Variants in PPM1L observed in about 807,000 individuals in gnomAD.
PPM1L encodes protein phosphatase 1L.
A neutral mutation model predicts 31.4 loss-of-function variants in PPM1L; 13 were observed. That is an observed-to-expected ratio of 0.41 (90% confidence interval 0.27 to 0.66). PPM1L has a LOEUF of 0.66. Among genes scored for constraint, PPM1L ranks in the 30% least tolerant of loss-of-function variants. The pLI is 0.29. For synonymous variants in PPM1L, 184 were observed against 175.4 expected (o/e 1.05, Z -0.39); for missense variants, 326 against 453.7 (o/e 0.72, Z 2.56).
intron 1 of PPM1L, among the ~76,000 whole-genome samples, chr3:160,886,247 C>T (rs1576690417): frequency 6.6e-6 from 1 of 152,362 alleles, no homozygotes; most frequent in East Asian, 1.9e-4. Context: ...GCTGTAGTCT[C>T]TGTGGACCAG....
rs1232846391 is a variant in PPM1L, at chr3:161,069,812, T to G, written c.*655T>G. The G allele has an allele frequency of 1.3e-5, 2 of 152,594 alleles. No individual in the cohort carries two copies. Among genetic ancestry groups the G allele is most frequent in the Non-Finnish European group, 2.9e-5 (2 of 68,362 alleles). The allele number at this position is 152,594 out of a possible 1,614,324, so 9.5% of individuals were successfully genotyped here. ...AGATAACCCTCTTCCCTTGCTTCCT[T>G]TAATAGTTAAATAGACTTTGTATAC... is the stretch of plus-strand genomic sequence containing the variant. On this transcript the variant is annotated 3_prime_UTR_variant, in exon 4 of 4. Transcript: ENST00000498165.
At chr3:160,781,139 T>C (rs1023244322) in intron 1 of PPM1L, among the ~76,000 whole-genome samples, 1 of 152,202 alleles carries the variant, frequency 6.6e-6, no homozygotes, top group Non-Finnish European at 1.5e-5. Flanking sequence ...TTACCAGTAG[T>C]ACCCCAGAAG....
At chr3:160,764,475 C>CT (rs34120245) in intron 1 of PPM1L, among the ~76,000 whole-genome samples, 10 of 85,582 alleles carry the variant, frequency 1.2e-4, no homozygotes, top group Admixed American at 1.1e-4. Context: ...CTCTCTCTCT[C>CT]TTTTTTTTTT....
At chr3:160,920,300 T>C (rs1309070601) in intron 1 of PPM1L, among the ~76,000 whole-genome samples, 2 of 152,118 alleles carry the variant, frequency 1.3e-5, no homozygotes, top group East Asian at 3.9e-4. Context: ...TCTAAGACTC[T>C]AGGGCCCAAC....
intron 2 of PPM1L, among the ~76,000 whole-genome samples, chr3:161,046,420 C>T (rs1719071611): frequency 6.6e-6 from 1 of 152,124 alleles, no homozygotes; most frequent in African/African-American, 2.4e-5. Flanking sequence ...AGACCAATAA[C>T]AGGCTCTGAA....
chr3:160,825,849 T>G (rs1713343636), intron 1 of PPM1L, among the ~76,000 whole-genome samples: 1 of 152,160 alleles, frequency 6.6e-6, no homozygotes, highest in Non-Finnish European at 1.5e-5. Flanking sequence ...TCATATCTAG[T>G]AACTGATATA....
intron 2 of PPM1L, among the ~76,000 whole-genome samples, chr3:161,019,067 A>C (rs1166306516): frequency 6.6e-6 from 1 of 152,230 alleles, no homozygotes; most frequent in African/African-American, 2.4e-5. Flanking sequence ...ACTTCGGGAA[A>C]CATTGAACTA....
intron 1 of PPM1L, among the ~76,000 whole-genome samples, chr3:160,937,556 C>G (rs186007355): frequency 2.0e-5 from 3 of 152,144 alleles, no homozygotes; most frequent in Admixed American, 1.3e-4. Flanking sequence ...GGAGGCTGAG[C>G]TTGCAGTGAG....
chr3:161,023,529 T>C (rs1376774685), intron 2 of PPM1L, among the ~76,000 whole-genome samples: 1 of 152,200 alleles, frequency 6.6e-6, no homozygotes, highest in Non-Finnish European at 1.5e-5. Flanking sequence ...AAAATCCTTC[T>C]ATTGAATTTT....
chr3:161,046,574 C>T (rs999091200), intron 2 of PPM1L, among the ~76,000 whole-genome samples: 1 of 152,174 alleles, frequency 6.6e-6, no homozygotes, highest in Non-Finnish European at 1.5e-5. Flanking sequence ...AAGGAATCCT[C>T]CCTAACTCAT....
intron 1 of PPM1L, among the ~76,000 whole-genome samples, chr3:160,761,898 A>G (rs1405584963): frequency 6.6e-6 from 1 of 152,190 alleles, no homozygotes; most frequent in Non-Finnish European, 1.5e-5. Context: ...CTTATTCACT[A>G]TCATGAGAAC....
At chr3:161,035,499 A>G (rs1718718974) in intron 2 of PPM1L, among the ~76,000 whole-genome samples, 1 of 152,254 alleles carries the variant, frequency 6.6e-6, no homozygotes, top group African/African-American at 2.4e-5. Context: ...TTTGAAGTCC[A>G]GATACGTACA....
At chr3:160,966,887 GGTT>G (rs1394121188) in intron 2 of PPM1L, among the ~76,000 whole-genome samples, 69 of 151,932 alleles carry the variant, frequency 4.5e-4, no homozygotes, top group Non-Finnish European at 8.4e-4. Flanking sequence ...ACAGAGAAAA[GGTT>G]CAATAATGTT....
chr3:161,015,786 A>T (rs1718068606), intron 2 of PPM1L, among the ~76,000 whole-genome samples: 1 of 152,238 alleles, frequency 6.6e-6, no homozygotes, highest in Non-Finnish European at 1.5e-5. Context: ...CCTCTAAGCC[A>T]AATATTGCCC....
intron 2 of PPM1L, among the ~76,000 whole-genome samples, chr3:161,024,969 C>T (rs529646933): frequency 6.6e-6 from 1 of 152,308 alleles, no homozygotes; most frequent in South Asian, 2.1e-4. Flanking sequence ...CAATATTCAG[C>T]CATTTTCTTC....
At position 160,916,717 on chromosome 3, in the gene PPM1L, G is replaced by A. The variant is rs909188634; in HGVS notation, c.400-45019G>A. Reference sequence around the variant, plus strand: ...CTGGCAACTCCTTTGAGAAACATATGTTTCTAACTTAAGTTACTGCTTTTT... The same window carrying A: ...CTGGCAACTCCTTTGAGAAACATATATTTCTAACTTAAGTTACTGCTTTTT... On this transcript the variant is annotated intron_variant, in intron 1 of 3. Coordinates refer to ENST00000498165, the MANE Select transcript of PPM1L (RefSeq NM_139245.4). Among the ~76,000 whole-genome samples, 14 of 151,194 alleles carry A rather than the reference G, an allele frequency of 9.3e-5. 1 individual carries two copies. Among genetic ancestry groups the A allele is most frequent in the Admixed American group, 9.2e-4 (14 of 15,156 alleles).
At position 161,040,728 on chromosome 3, in the gene PPM1L, G is replaced by A. The variant is rs561787031; in HGVS notation, c.575-24675G>A. Reference sequence around the variant, plus strand: ...TTATCTTGCCCAAATTCCTATCTAAGGGGTCTGGGGAATCATACCCTACAA... The same window carrying A: ...TTATCTTGCCCAAATTCCTATCTAAAGGGTCTGGGGAATCATACCCTACAA... On this transcript the variant is annotated intron_variant, in intron 2 of 3. Coordinates refer to ENST00000498165, the MANE Select transcript of PPM1L (RefSeq NM_139245.4). Among the ~76,000 whole-genome samples the A allele has an allele frequency of 2.0e-5, 3 of 152,120 alleles. No homozygotes were observed. In the South Asian group the frequency reaches 6.2e-4, roughly 32 times the overall value.
intron 1 of PPM1L, among the ~76,000 whole-genome samples, chr3:160,906,146 T>C (rs1446492200): frequency 9.2e-5 from 14 of 152,180 alleles, no homozygotes; most frequent in African/African-American, 3.4e-4. Flanking sequence ...TGCTTTTCTA[T>C]TGGATTCTAC....
intron 1 of PPM1L, among the ~76,000 whole-genome samples, chr3:160,890,875 A>G (rs1203205690): frequency 6.6e-6 from 1 of 152,216 alleles, no homozygotes; most frequent in East Asian, 1.9e-4. Flanking sequence ...GCAATGGGGA[A>G]AGGATCTCCT....
Sources: gnomAD v4.1 joint callset for allele counts (sites outside exome capture counted in the v4.1 genomes callset) on GRCh38, gnomAD v4.1.1 for gene constraint, MANE v1.5 for transcripts, NCBI Gene and HGNC (gene_info 2026-07-23, HGNC 2026-07-21) for gene names.